The following BIRC6 variants were observed in gnomAD, a reference collection of about 807,000 sequenced individuals.
BIRC6 encodes the protein baculoviral IAP repeat containing 6.
BIRC6 carries 98 observed loss-of-function variants against 503.3 expected under a neutral mutation model. That is an observed-to-expected ratio of 0.19 (90% CI 0.17 to 0.23). The LOEUF is 0.23. Among genes scored for constraint, BIRC6 ranks in the 10% least tolerant of loss-of-function variants. BIRC6 has a pLI of 1.00. For synonymous variants in BIRC6, 2,240 were observed against 2,078.7 expected (o/e 1.08, Z -2.11); for missense variants, 5,360 against 5,806.0 (o/e 0.92, Z 2.50).
Position 32,514,907 on chromosome 2 carries a change from C to G in BIRC6, c.10569-83C>G, listed in dbSNP as rs2054864331. 3.5e-5 allele frequency: 40 copies of G among 1,127,104 alleles called. No individual in the cohort carries two copies. In the South Asian group the frequency reaches 5.0e-4, roughly 14 times the overall value. The allele number at this position is 1,127,104 out of a possible 1,614,324, so 69.8% of individuals were successfully genotyped here. A position where few individuals can be genotyped will look rare whatever the true frequency, so the allele number is the denominator to read the frequency against. ...ATAAAGTATATAATGTCAGAGTATA[C>G]TTTGAACTATAACAGAAATATTTGA... On this transcript the variant is annotated intron_variant, in intron 54 of 73. Transcript: ENST00000421745.
At position 32,465,151 on chromosome 2, in the gene BIRC6, G is replaced by C. The variant is rs549967255; in HGVS notation, c.5343G>C (p.Glu1781Asp). The C allele has an allele frequency of 1.7e-5, 27 of 1,551,814 alleles. No individual in the cohort carries two copies. In the South Asian group the frequency reaches 3.3e-4, roughly 19 times the overall value. Residue 1781 changes from glutamate to aspartate, a missense_variant, in exon 26 of 74, where the codon GAG becomes GAC. By Grantham distance (45) the Glu-to-Asp change is conservative. Coordinates refer to ENST00000421745, the MANE Select transcript of BIRC6 (RefSeq NM_016252.4). ...CGCCTCACCAGTCCATTATTATAGA[G>C]CGAATGCATTCAGGTAATCTTTTAC... ...QPPPHQSIIIERMHSGARRFV... is the reference protein window; with the variant it reads ...QPPPHQSIIIDRMHSGARRFV...
chr2:32,523,294 G>C (rs1004425675), intron 57 of BIRC6: 1 of 152,136 alleles, frequency 6.6e-6, no homozygotes, highest in East Asian at 1.9e-4. Context: ...TTTTTTTTTA[G>C]TGTTTGAATG....
In BIRC6 at chr2:32,490,141, G is replaced by A. The variant is rs1312159112; in HGVS notation, c.8196G>A (p.Met2732Ile). 3 of 1,601,538 alleles carry A rather than the reference G, an allele frequency of 1.9e-6. No homozygotes were observed. The highest frequency in any genetic ancestry group is 1.3e-5 in the African/African-American group (1 of 74,620). The change falls in exon 43 of 74, where the codon ATG (methionine) becomes ATA (isoleucine). Residue 2732 changes from methionine (M) to isoleucine (I), a missense_variant. This residue lies in a region of BIRC6 where 2,299 missense variants were observed against 2,267.2 expected (regional missense o/e 1.01). Coordinates refer to ENST00000421745, the MANE Select transcript of BIRC6 (RefSeq NM_016252.4). ...ATAGCCTAACACTCATGACAAACATGCAGCTTAATTGTAAGTTCATAAATT... is the reference window on the plus strand; with the variant it reads ...ATAGCCTAACACTCATGACAAACATACAGCTTAATTGTAAGTTCATAAATT... Reference protein sequence around the residue: ...VLHSLTLMTNMQLNSGSSSAI... With the variant: ...VLHSLTLMTNIQLNSGSSSAI...
intron 2 of BIRC6, among the ~76,000 whole-genome samples, chr2:32,378,236 C>A (rs1345435470): frequency 6.6e-6 from 1 of 152,044 alleles, no homozygotes; most frequent in East Asian, 1.9e-4. Flanking sequence ...TTTCCCTGTC[C>A]CTTAACCCCC....
chr2:32,576,298 T>C (rs956677092), intron 66 of BIRC6, among the ~76,000 whole-genome samples: 1 of 152,204 alleles, frequency 6.6e-6, no homozygotes, highest in African/African-American at 2.4e-5. Flanking sequence ...TGAATTGTTA[T>C]TTTTAGTTTG....
intron 73 of BIRC6, among the ~76,000 whole-genome samples, chr2:32,613,184 CTGGT>C (rs1445638765): frequency 1.3e-5 from 2 of 149,448 alleles, no homozygotes; most frequent in African/African-American, 4.9e-5. Flanking sequence ...CCTGCCTTGA[CTGGT>C]TTGTTTGTTT....
intron 19 of BIRC6, among the ~76,000 whole-genome samples, chr2:32,443,056 AAC>A (rs1034805940): frequency 3.3e-5 from 5 of 152,320 alleles, no homozygotes; most frequent in African/African-American, 7.2e-5. Flanking sequence ...AATAAAATAG[AAC>A]AGTTATAATA....
At chr2:32,396,648 A>G (rs576318369) in intron 6 of BIRC6, among the ~76,000 whole-genome samples, 21 of 152,344 alleles carry the variant, frequency 1.4e-4, no homozygotes, top group African/African-American at 4.8e-4. Flanking sequence ...TTTTCCCTAT[A>G]CATCCATAAC....
chr2:32,611,283 T>C (rs969914366), intron 72 of BIRC6, among the ~76,000 whole-genome samples, 165 bp from the exon 73 acceptor site: 3 of 151,674 alleles, frequency 2.0e-5, no homozygotes, highest in African/African-American at 7.3e-5. Flanking sequence ...ATTTATTTCA[T>C]TAAATGTATT....
Position 32,611,018 on chromosome 2 carries a change from C to A in BIRC6, c.14260-430C>A, listed in dbSNP as rs980902956. Among the ~76,000 whole-genome samples, 5 of 152,176 alleles carry A rather than the reference C, an allele frequency of 3.3e-5. No homozygotes were observed. The East Asian group carries it at 9.6e-4, about 29-fold the overall frequency. On this transcript the variant is annotated intron_variant, in intron 72 of 73. Transcript: ENST00000421745. ...GGGATTACAGGCGTGAGCCACCACA[C>A]CGGGCCATAAATTTCATATATTTCA... is the stretch of plus-strand genomic sequence containing the variant.
At chr2:32,468,398 A>G in intron 28 of BIRC6, 39 bp from the exon 29 acceptor site, 1 of 1,448,664 alleles carries the variant, frequency 6.9e-7, no homozygotes, top group Non-Finnish European at 9.4e-7. Flanking sequence ...TAAAGAGGAC[A>G]TTACAAGAAT....
At chr2:32,492,975 T>C (rs764537166) in intron 44 of BIRC6, among the ~76,000 whole-genome samples, 5 of 151,882 alleles carry the variant, frequency 3.3e-5, no homozygotes, top group African/African-American at 9.7e-5. Context: ...TAATGTAGTG[T>C]TCACTATCAT....
chr2:32,603,512 C>T (rs1005378086), intron 71 of BIRC6, among the ~76,000 whole-genome samples: 1 of 152,014 alleles, frequency 6.6e-6, no homozygotes, highest in African/African-American at 2.4e-5. Flanking sequence ...GTCAGGAGTT[C>T]GAGACCAGCT....
At chr2:32,359,731 G>A (rs917340948) in intron 1 of BIRC6, among the ~76,000 whole-genome samples, 6 of 152,124 alleles carry the variant, frequency 3.9e-5, no homozygotes, top group African/African-American at 1.2e-4. Context: ...ATTATTATTT[G>A]TAAAATTTAT....
At chr2:32,524,339 T>C (rs1289231825) in intron 57 of BIRC6, among the ~76,000 whole-genome samples, 5 of 152,188 alleles carry the variant, frequency 3.3e-5, no homozygotes, top group East Asian at 1.9e-4. Context: ...TAAATAAAAA[T>C]TAACAGAACA....
chr2:32,569,670 T>A (rs1475211377), intron 65 of BIRC6, among the ~76,000 whole-genome samples: 2 of 151,168 alleles, frequency 1.3e-5, no homozygotes. Flanking sequence ...CCACACTTGT[T>A]CATTTTTTTT....
rs547735007 is a variant in BIRC6 at position 32,450,217 on chromosome 2, G to A, written c.4618+1289G>A. Among the ~76,000 whole-genome samples, 10 of 152,282 alleles carry A rather than the reference G, an allele frequency of 6.6e-5. No homozygotes were observed. In the East Asian group the frequency reaches 1.7e-3, roughly 26 times the overall value. ...ATGTCGGCCGGGCACGGTGGCTCAC[G>A]CCTGTAATCCCAGCACTTTGGGAGG... On this transcript the variant is annotated intron_variant, in intron 22 of 73. Transcript: ENST00000421745.
chr2:32,575,455 T>C (rs72785601), intron 66 of BIRC6, 89 bp downstream of exon 66: 103,829 of 1,271,022 alleles, frequency 0.082, 5,120 homozygotes, highest in Non-Finnish European at 0.094. Flanking sequence ...TTCAGTGATA[T>C]GTGCTTTTTA....
Position 32,482,481 on chromosome 2 carries a change from ATTACAACCC to A in BIRC6, c.7601_7609del (p.Asn2534_Tyr2536del), listed in dbSNP as rs1558854623. ...TGGGGTGCTGATTATGGGACCTACA[ATTACAACCC>A]TTACATTGGAGGTCTGGGAATTCCT... On this transcript the variant is annotated inframe_deletion, in exon 39 of 74. Coordinates refer to ENST00000421745, the MANE Select transcript of BIRC6 (RefSeq NM_016252.4). 6.2e-7 allele frequency: 1 copy of A among 1,613,966 alleles called. No homozygotes were observed. The highest frequency in any genetic ancestry group is 2.2e-5 in the East Asian group (1 of 44,874).
Sources: gnomAD v4.1 joint callset for allele counts (sites outside exome capture counted in the v4.1 genomes callset) on GRCh38, gnomAD v4.1.1 for gene constraint, gnomAD v4.1.1 regional missense constraint, MANE v1.5 for transcripts, NCBI Gene and HGNC (gene_info 2026-07-23, HGNC 2026-07-21) for gene names.